PLAG1: variants seen among roughly 807,000 people sequenced by gnomAD.
The protein encoded by PLAG1 is zinc finger protein PLAG1.
A neutral mutation model predicts 35.5 loss-of-function variants in PLAG1; 7 were observed. The observed-to-expected ratio is 0.20, with a 90% CI of 0.11 to 0.37. The LOEUF is 0.37. PLAG1 is among the 10% of genes least tolerant of loss of function. PLAG1 has a pLI of 1.00. For missense variants in PLAG1, 454 were observed against 602.8 expected, an observed-to-expected ratio of 0.75 and a Z score of 2.58; for synonymous variants, 229 against 225.4, an observed-to-expected ratio of 1.02 and a Z score of -0.14.
chr8:56,190,340 C>A (rs772844205), intron 1 of PLAG1, among the ~76,000 whole-genome samples: 1 of 151,948 alleles, frequency 6.6e-6, no homozygotes, highest in Non-Finnish European at 1.5e-5. Context: ...AGCAACAGGT[C>A]GAAGGTATGC....
At chr8:56,178,811 T>C (rs1444897146) in intron 2 of PLAG1, among the ~76,000 whole-genome samples, 1 of 151,974 alleles carries the variant, frequency 6.6e-6, no homozygotes. Flanking sequence ...TGTGCCTGGA[T>C]TTCCAAGTAT....
chr8:56,195,115 T>A (rs769909650), intron 1 of PLAG1, among the ~76,000 whole-genome samples: 1 of 152,190 alleles, frequency 6.6e-6, no homozygotes, highest in Non-Finnish European at 1.5e-5. Context: ...GAGACTATTA[T>A]TATCATAATT....
intron 1 of PLAG1, among the ~76,000 whole-genome samples, chr8:56,184,322 G>A (rs1407042760): frequency 6.6e-6 from 1 of 152,060 alleles, no homozygotes; most frequent in Non-Finnish European, 1.5e-5. Flanking sequence ...TAAAAACACT[G>A]GACAGTATCA....
chr8:56,210,117 G>T (rs1812823687), intron 1 of PLAG1, among the ~76,000 whole-genome samples: 1 of 151,954 alleles, frequency 6.6e-6, no homozygotes, highest in Admixed American at 6.6e-5. Context: ...ATTGTCGGTT[G>T]AGTTATAAAA....
chr8:56,203,684 T>C (rs1403153936), intron 1 of PLAG1, among the ~76,000 whole-genome samples: 1 of 152,086 alleles, frequency 6.6e-6, no homozygotes, highest in Admixed American at 6.5e-5. Flanking sequence ...TTTAAAAATC[T>C]TCCAAATAAC....
intron 1 of PLAG1, among the ~76,000 whole-genome samples, chr8:56,187,773 A>G (rs765648803): frequency 6.6e-6 from 1 of 152,196 alleles, no homozygotes; most frequent in Non-Finnish European, 1.5e-5. Flanking sequence ...ATTTGTATTA[A>G]AAGTGATATT....
In PLAG1 at chr8:56,164,725, A is replaced by G; in HGVS notation, c.*1518T>C. 1 of 216,630 alleles carries G rather than the reference A, an allele frequency of 4.6e-6. No individual in the cohort carries two copies. Among genetic ancestry groups the G allele is most frequent in the East Asian group, 6.9e-5 (1 of 14,522 alleles). The allele number at this position is 216,630 out of a possible 1,614,324, so 13.4% of individuals were successfully genotyped here. Reference sequence around the variant, plus strand: ...AGAAAAATATATTAATTAGACCTTTAAGAAGATTATGTTGGTTGTCTAATG... The same window carrying G: ...AGAAAAATATATTAATTAGACCTTTGAGAAGATTATGTTGGTTGTCTAATG... On this transcript the variant is annotated 3_prime_UTR_variant, in exon 5 of 5. Transcript: ENST00000316981.
intron 2 of PLAG1, among the ~76,000 whole-genome samples, chr8:56,171,974 G>T (rs985811550): frequency 6.6e-6 from 1 of 152,082 alleles, no homozygotes. Context: ...AACATGAAAA[G>T]AATAACGGTC....
chr8:56,188,740 TAAG>T (rs1293206490), intron 1 of PLAG1, among the ~76,000 whole-genome samples: 2 of 152,252 alleles, frequency 1.3e-5, no homozygotes, highest in South Asian at 2.1e-4. Flanking sequence ...TCTTCAACTG[TAAG>T]AAGAACACAG....
In PLAG1 at chr8:56,168,924, G is replaced by C. The variant is rs76238567; in HGVS notation, c.-117-538C>G. On this transcript the variant is annotated intron_variant, in intron 3 of 4. Transcript: ENST00000316981. Reference sequence around the variant, plus strand: ...CTTCACGGAGAGACACTAGAGGCCTGAAAGAGTTGAATGCACCACCCGAAG... The same window carrying C: ...CTTCACGGAGAGACACTAGAGGCCTCAAAGAGTTGAATGCACCACCCGAAG... Among the ~76,000 whole-genome samples the C allele has an allele frequency of 7.4e-3, 1,125 of 152,274 alleles. 10 individuals carry two copies. Among genetic ancestry groups the C allele is most frequent in the African/African-American group, 0.026 (1,075 of 41,544 alleles).
At chr8:56,172,845 T>C (rs900976574) in intron 2 of PLAG1, among the ~76,000 whole-genome samples, 58 of 152,194 alleles carry the variant, frequency 3.8e-4, no homozygotes, top group African/African-American at 1.4e-3. Context: ...ATTTTCTCTT[T>C]TAGAGCTGCC....
chr8:56,209,935 T>TC (rs1475423247), intron 1 of PLAG1, among the ~76,000 whole-genome samples: 1 of 152,114 alleles, frequency 6.6e-6, no homozygotes, highest in Non-Finnish European at 1.5e-5. Flanking sequence ...CACTTTTTTT[T>TC]CCACCCAAAA....
At chr8:56,195,790 A>AG (rs1413849487) in intron 1 of PLAG1, among the ~76,000 whole-genome samples, 2 of 152,086 alleles carry the variant, frequency 1.3e-5, no homozygotes, top group Non-Finnish European at 2.9e-5. Context: ...GCAAGCCGGG[A>AG]GGGGGCCAGC....
intron 1 of PLAG1, among the ~76,000 whole-genome samples, chr8:56,191,059 A>C (rs1025378845): frequency 6.6e-6 from 1 of 152,118 alleles, no homozygotes; most frequent in South Asian, 2.1e-4. Context: ...AGGGCTGGAG[A>C]GTGACCAAGG....
rs186732546 is a variant in PLAG1, at chr8:56,190,561, T to C, written c.-321-11048A>G. ...GAGGAAGGAGTGCTGCATGAGGAAC[T>C]GGGGGCACTAAGTCCACATTCCTCT... On this transcript the variant is annotated intron_variant, in intron 1 of 4. Coordinates refer to ENST00000316981, the MANE Select transcript of PLAG1 (RefSeq NM_002655.3). Among the ~76,000 whole-genome samples, 350 of 152,180 alleles carry C rather than the reference T, an allele frequency of 2.3e-3. 2 individuals carry two copies. The highest frequency in any genetic ancestry group is 8.0e-3 in the African/African-American group (332 of 41,498).
chr8:56,190,855 A>T (rs1381549825), intron 1 of PLAG1, among the ~76,000 whole-genome samples: 1 of 152,156 alleles, frequency 6.6e-6, no homozygotes, highest in African/African-American at 2.4e-5. Flanking sequence ...ATTTTGCTTC[A>T]TAGAGTAGGT....
chr8:56,166,927 A>G lies in PLAG1; in HGVS notation c.819T>C (p.Pro273=). ...ATGGCTTTGATAACAGTTCACTGGA[A>G]GGTAAGGACATCACCGGAAGGAGCT... ...KDELLPVMSL[P]SSELLSKPFT... The change falls in exon 5 of 5, where the codon CCT becomes CCC. Residue 273 remains proline, a synonymous_variant. Coordinates refer to ENST00000316981, the MANE Select transcript of PLAG1 (RefSeq NM_002655.3). The G allele has an allele frequency of 6.2e-7, 1 of 1,614,098 alleles. No individual in the cohort carries two copies. Among genetic ancestry groups the G allele is most frequent in the Non-Finnish European group, 8.5e-7 (1 of 1,179,960 alleles).
At position 56,193,096 on chromosome 8, in the gene PLAG1, AATT is replaced by A. The variant is rs145549051; in HGVS notation, c.-321-13586_-321-13584del. On this transcript the variant is annotated intron_variant, in intron 1 of 4. Transcript: ENST00000316981. ...TTTGAAAACTCACTAGATATTAAGG[AATT>A]ATTGTTCTTTTGGTGTGTGATAATT... 9.2e-3 allele frequency among the ~76,000 whole-genome samples: 1,394 copies of A among 152,334 alleles called. 10 individuals carry two copies. The highest frequency in any genetic ancestry group is 0.015 in the Non-Finnish European group (1,051 of 68,030).
In PLAG1 at chr8:56,161,754, A is replaced by G; in HGVS notation, c.*4489T>C. On this transcript the variant is annotated 3_prime_UTR_variant, in exon 5 of 5. Transcript: ENST00000316981. ...ATAAAAAAATACGACTGAATGAGAC[A>G]GAGAAGTTTGTAGCACCATGAAGAG... The G allele has an allele frequency of 4.3e-6, 1 of 230,228 alleles. No individual in the cohort carries two copies. The highest frequency in any genetic ancestry group is 8.6e-6 in the Non-Finnish European group (1 of 115,870). The allele number at this position is 230,228 out of a possible 1,614,324, so 14.3% of individuals were successfully genotyped here. A position where few individuals can be genotyped will look rare whatever the true frequency, so the allele number is the denominator to read the frequency against.
Sources: gnomAD v4.1 joint callset for allele counts (sites outside exome capture counted in the v4.1 genomes callset) on GRCh38, gnomAD v4.1.1 for gene constraint, MANE v1.5 for transcripts, NCBI Gene and HGNC (gene_info 2026-07-23, HGNC 2026-07-21) for gene names.